Variants in SBNO2 observed in about 807,000 individuals in gnomAD.
SBNO2 encodes the protein protein strawberry notch homolog 2.
Under a neutral mutation model 146.3 loss-of-function variants are expected in SBNO2, and 89 were observed. The observed-to-expected ratio is 0.61, with a 90% CI of 0.51 to 0.73. The LOEUF is 0.73. Among genes scored for constraint, SBNO2 ranks in the 30% least tolerant of loss-of-function variants. The probability of loss-of-function intolerance (pLI) is 0.00; values close to 1 mark genes in which losing one functional copy is unlikely to be tolerated. For missense variants in SBNO2, 2,092 were observed against 2,003.7 expected (o/e 1.04, Z -0.84); for synonymous variants, 1,147 against 892.6 (o/e 1.29, Z -5.08).
At chr19:1,153,149 G>A (rs1457172354) in intron 2 of SBNO2, among the ~76,000 whole-genome samples, 1 of 150,962 alleles carries the variant, frequency 6.6e-6, no homozygotes, top group Non-Finnish European at 1.5e-5. Flanking sequence ...GTGAAACCGT[G>A]TTTTAAAAAT....
rs2080417393 is a variant in SBNO2, at chr19:1,166,031, C to CTCAGACCCCAGATCCCAGACCCCAAGAT, written c.-127+8140_-127+8141insATCTTGGGGTCTGGGATCTGGGGTCTGA. Among the ~76,000 whole-genome samples the CTCAGACCCCAGATCCCAGACCCCAAGAT allele has an allele frequency of 1.4e-4, 2 of 14,388 alleles. 1 individual carries two copies. The highest frequency in any genetic ancestry group is 5.1e-4 in the African/African-American group (2 of 3,926). 9.4% of individuals were successfully genotyped at this position (14,388 alleles called of 152,430 possible). On this transcript the variant is annotated intron_variant, in intron 1 of 31. Coordinates refer to ENST00000361757, the MANE Select transcript of SBNO2 (RefSeq NM_014963.3). Reference sequence around the variant, plus strand: ...TAGATCCCAGACCTCAGACCCCAGACCCCAGACCCCAGATCCCAGATCCCA... The same window carrying CTCAGACCCCAGATCCCAGACCCCAAGAT: ...TAGATCCCAGACCTCAGACCCCAGACTCAGACCCCAGATCCCAGACCCCAAGATCCCAGACCCCAGATCCCAGATCCCA...
chr19:1,152,872 G>A (rs766698198), intron 2 of SBNO2, among the ~76,000 whole-genome samples: 7 of 152,190 alleles, frequency 4.6e-5, no homozygotes, highest in Non-Finnish European at 1.0e-4. Flanking sequence ...CCCAGGCAGG[G>A]CCGGGCGCGG....
At chr19:1,124,388 G>A (rs1019716396) in intron 5 of SBNO2, among the ~76,000 whole-genome samples, 3 of 152,230 alleles carry the variant, frequency 2.0e-5, no homozygotes, top group Non-Finnish European at 4.4e-5. Context: ...ACAGGGGTCT[G>A]ACAGGAGAGA....
At chr19:1,111,816 A>C (rs1442859350) in intron 23 of SBNO2, among the ~76,000 whole-genome samples, 180 bp downstream of exon 23, 3 of 107,354 alleles carry the variant, frequency 2.8e-5, no homozygotes, top group Non-Finnish European at 3.9e-5. Flanking sequence ...CCTGGATGCC[A>C]CCTCCCTGAG....
chr19:1,127,951 T>C (rs1290556075), intron 4 of SBNO2, among the ~76,000 whole-genome samples, 186 bp from the exon 5 acceptor site: 2 of 152,068 alleles, frequency 1.3e-5, no homozygotes, highest in Non-Finnish European at 2.9e-5. Context: ...GTAGCAGGGA[T>C]TACAGGTGTG....
At chr19:1,135,679 C>T (rs2080078804) in intron 4 of SBNO2, among the ~76,000 whole-genome samples, 1 of 152,348 alleles carries the variant, frequency 6.6e-6, no homozygotes, top group South Asian at 2.1e-4. Flanking sequence ...CCGAGGGCTC[C>T]GTGTAAGCCT....
intron 3 of SBNO2, among the ~76,000 whole-genome samples, chr19:1,148,336 T>C (rs1320739513): frequency 6.6e-6 from 1 of 151,946 alleles, no homozygotes; most frequent in Non-Finnish European, 1.5e-5. Flanking sequence ...CACAATCTCC[T>C]GGAGTCTCCC....
intron 11 of SBNO2, among the ~76,000 whole-genome samples, chr19:1,121,914 G>A (rs975796882): frequency 6.6e-6 from 1 of 152,128 alleles, no homozygotes; most frequent in Non-Finnish European, 1.5e-5. Flanking sequence ...TCTTCTATCC[G>A]GAGTCCTAAA....
chr19:1,167,336 A>G (rs1261130588), intron 1 of SBNO2, among the ~76,000 whole-genome samples: 1 of 152,262 alleles, frequency 6.6e-6, no homozygotes. Flanking sequence ...CCAGCAGGTC[A>G]GAGGTCCAGG....
intron 1 of SBNO2, among the ~76,000 whole-genome samples, chr19:1,160,785 C>T (rs1333064778): frequency 6.6e-6 from 1 of 152,130 alleles, no homozygotes; most frequent in African/African-American, 2.4e-5. Context: ...CCGCCTCGGC[C>T]TCCCAAAGTG....
chr19:1,148,228 G>A (rs1157487217), intron 3 of SBNO2, among the ~76,000 whole-genome samples: 1 of 152,034 alleles, frequency 6.6e-6, no homozygotes, highest in Non-Finnish European at 1.5e-5. Flanking sequence ...CCCAGGGCAG[G>A]GACCGCCTGG....
At position 1,107,999 on chromosome 19, in the gene SBNO2, A is replaced by G. The variant is rs1273705707; in HGVS notation, c.*221T>C. On this transcript the variant is annotated 3_prime_UTR_variant, in exon 32 of 32. Transcript: ENST00000361757. Reference sequence around the variant, plus strand: ...GGAGCCCCTTCCTACTTGGGAGGAGAGGCACAGAGAGGGCCCTGCCACGCC... The same window carrying G: ...GGAGCCCCTTCCTACTTGGGAGGAGGGGCACAGAGAGGGCCCTGCCACGCC... The G allele has an allele frequency of 2.8e-5, 10 of 350,924 alleles. No homozygotes were observed. Among genetic ancestry groups the G allele is most frequent in the Non-Finnish European group, 4.1e-5 (8 of 195,350 alleles). The allele number at this position is 350,924 out of a possible 1,614,324, so 21.7% of individuals were successfully genotyped here.
intron 3 of SBNO2, among the ~76,000 whole-genome samples, chr19:1,147,937 C>T (rs904679546): frequency 3.9e-5 from 6 of 152,106 alleles, no homozygotes; most frequent in Admixed American, 2.6e-4. Flanking sequence ...GGAGAAGGTC[C>T]TGGGGGCCCC....
rs932999599 is a variant in SBNO2, at chr19:1,158,682, G to A, written c.-126-4280C>T. Among the ~76,000 whole-genome samples the A allele has an allele frequency of 3.9e-5, 6 of 152,170 alleles. No individual in the cohort carries two copies. The highest frequency in any genetic ancestry group is 1.9e-4 in the East Asian group (1 of 5,190). ...GTGATGGAGCCCGGCAGAGGCCACCGCACAGTCCCTGGAGGCCGCATTACC... is the reference window on the plus strand; with the variant it reads ...GTGATGGAGCCCGGCAGAGGCCACCACACAGTCCCTGGAGGCCGCATTACC... On this transcript the variant is annotated intron_variant, in intron 1 of 31. Coordinates refer to ENST00000361757, the MANE Select transcript of SBNO2 (RefSeq NM_014963.3). This position sits in a 1 kb window ranked among gnomAD's most constrained non-coding sequence, Gnocchi z 9.9.
At chr19:1,122,359 G>A in intron 10 of SBNO2, 77 bp from the exon 11 acceptor site, 1 of 1,511,334 alleles carries the variant, frequency 6.6e-7, no homozygotes. Flanking sequence ...TATCTGTAAG[G>A]GTGCTGGGCA....
rs1341616648 is a variant in SBNO2 at position 1,112,514 on chromosome 19, G to A, written c.2403C>T (p.Ala801=). 1.9e-6 allele frequency: 3 copies of A among 1,604,100 alleles called. No individual in the cohort carries two copies. The highest frequency in any genetic ancestry group is 1.3e-5 in the African/African-American group (1 of 74,806). The change falls in exon 21 of 32, where the codon GCC becomes GCT. Residue 801 remains alanine (A), a synonymous_variant. Coordinates refer to ENST00000361757, the MANE Select transcript of SBNO2 (RefSeq NM_014963.3). This position sits in a 1 kb window ranked among gnomAD's most constrained non-coding sequence, Gnocchi z 5.9. ...CTTGGAGGGAGACACCCGAGCTGGAGGCCTCCGAGATGATGGCCACGAGCT... is the reference window on the plus strand; with the variant it reads ...CTTGGAGGGAGACACCCGAGCTGGAAGCCTCCGAGATGATGGCCACGAGCT... ...GEKLVAIISE[A]SSSGVSLQAD...
intron 1 of SBNO2, among the ~76,000 whole-genome samples, chr19:1,155,373 G>A (rs1195131317): frequency 2.0e-5 from 3 of 152,210 alleles, no homozygotes; most frequent in South Asian, 2.1e-4. Context: ...ACCAGATGGA[G>A]GTGGTCAGGC....
rs932836613 is a variant in SBNO2, at chr19:1,109,476, C to G, written c.3216+30G>C. On this transcript the variant is annotated intron_variant, in intron 28 of 31. Coordinates refer to ENST00000361757, the MANE Select transcript of SBNO2 (RefSeq NM_014963.3). This position sits in a 1 kb window ranked among gnomAD's most constrained non-coding sequence, Gnocchi z 4.2. ...CCCGGTCCGCCCCCCGCGGGCCCTC[C>G]TCTGGGGGGGTAACCCCGCCCGACC... is the stretch of plus-strand genomic sequence containing the variant. The G allele has an allele frequency of 6.3e-7, 1 of 1,576,614 alleles. No individual in the cohort carries two copies. The highest frequency in any genetic ancestry group is 2.3e-5 in the East Asian group (1 of 42,782).
At position 1,147,431 on chromosome 19, in the gene SBNO2, A is replaced by ACGGGGGGGGGGGG. The variant is rs778909029; in HGVS notation, c.168-12_168-11insCCCCCCCCCCCCG. 5.5e-6 allele frequency: 3 copies of ACGGGGGGGGGGGG among 544,746 alleles called. No homozygotes were observed. The highest frequency in any genetic ancestry group is 5.6e-5 in the African/African-American group (2 of 35,572). The allele number at this position is 544,746 out of a possible 1,614,324, so 33.7% of individuals were successfully genotyped here. A position where few individuals can be genotyped will look rare whatever the true frequency, so the allele number is the denominator to read the frequency against. On this transcript the variant is annotated splice_polypyrimidine_tract_variant and intron_variant, in intron 3 of 31. Coordinates refer to ENST00000361757, the MANE Select transcript of SBNO2 (RefSeq NM_014963.3). ...GAGCTCATGAACGGGCTGGAGGGAG[A>ACGGGGGGGGGGGG]TGGGGGGGGGGGAGGTGAGATGGGG... is the stretch of plus-strand genomic sequence containing the variant.
Sources: gnomAD v4.1 joint callset for allele counts (sites outside exome capture counted in the v4.1 genomes callset) on GRCh38, gnomAD v4.1.1 for gene constraint, Gnocchi (gnomAD v3.1) non-coding constraint, MANE v1.5 for transcripts, NCBI Gene and HGNC (gene_info 2026-07-23, HGNC 2026-07-21) for gene names.